The following STAG1 variants were observed in gnomAD, a reference collection of about 807,000 sequenced individuals.
STAG1 encodes the protein STAG1 cohesin complex component.
A neutral mutation model predicts 170.9 loss-of-function variants in STAG1; 26 were observed. The observed-to-expected ratio is 0.15, with a 90% CI of 0.11 to 0.21. STAG1 has a LOEUF of 0.21. Among genes scored for constraint, STAG1 ranks in the 10% least tolerant of loss-of-function variants. The pLI, the probability that STAG1 is intolerant of heterozygous loss-of-function variation, is 1.00. For missense variants in STAG1, 964 were observed against 1,509.5 expected (o/e 0.64, Z 5.99); for synonymous variants, 514 against 497.7 (o/e 1.03, Z -0.44).
chr3:136,633,580 AT>A (rs761581154), intron 1 of STAG1, among the ~76,000 whole-genome samples: 98 of 151,746 alleles, frequency 6.5e-4, no homozygotes, highest in Non-Finnish European at 1.3e-3. Context: ...GGTGCCTGCA[AT>A]CCCAGCTGCT....
At chr3:136,675,508 CCTAA>C (rs1221975289) in intron 1 of STAG1, among the ~76,000 whole-genome samples, 1 of 152,112 alleles carries the variant, frequency 6.6e-6, no homozygotes, top group Non-Finnish European at 1.5e-5. Flanking sequence ...CAAATTCAAC[CCTAA>C]CTGATAGAAC....
chr3:136,413,328 G>A (rs1029096768), intron 21 of STAG1, among the ~76,000 whole-genome samples: 18 of 147,316 alleles, frequency 1.2e-4, no homozygotes, highest in African/African-American at 3.0e-4. Context: ...GTCTAAGTGC[G>A]GAAATCTGGG....
At chr3:136,452,245 C>G (rs920221210) in intron 13 of STAG1, 98 bp from the exon 14 acceptor site, 1 of 760,400 alleles carries the variant, frequency 1.3e-6, no homozygotes. Flanking sequence ...ACAACAACAA[C>G]AAAAAGGGGG....
At chr3:136,524,517 A>G (rs534275050) in intron 6 of STAG1, among the ~76,000 whole-genome samples, 42 of 152,224 alleles carry the variant, frequency 2.8e-4, no homozygotes, top group East Asian at 5.8e-4. Context: ...GGGTTTTCTA[A>G]ATATACAATC....
In STAG1 at chr3:136,377,752, C is replaced by T. The variant is rs747058132; in HGVS notation, c.2278G>A (p.Glu760Lys). 1.9e-6 allele frequency: 3 copies of T among 1,613,388 alleles called. No homozygotes were observed. The highest frequency in any genetic ancestry group is 4.5e-5 in the East Asian group (2 of 44,858). Residue 760 changes from glutamate (E) to lysine (K), a missense_variant and splice_region_variant, in exon 23 of 34, where the codon GAG (glutamate) becomes AAG (lysine). Around this residue, in one of 11 missense-constraint regions of STAG1, gnomAD observed 232 missense variants for 313.0 expected, o/e 0.74. Transcript: ENST00000383202. ...VKITDGSPSK[E>K]DLLVLRKTVK... The stretch of plus-strand genomic sequence containing the variant: ...GTTTTCCTCAATACCAACAAATCCT[C>T]CTGTAAGACACATTCAAATTTGCAA...
At chr3:136,359,623 G>C (rs745689162) in intron 26 of STAG1, among the ~76,000 whole-genome samples, 2 of 152,112 alleles carry the variant, frequency 1.3e-5, no homozygotes, top group Non-Finnish European at 2.9e-5. Flanking sequence ...TCCACCTCCC[G>C]GGTTAAAGGA....
At chr3:136,381,773 A>G (rs1201452412) in intron 22 of STAG1, among the ~76,000 whole-genome samples, 6 of 152,250 alleles carry the variant, frequency 3.9e-5, no homozygotes, top group Admixed American at 3.9e-4. Flanking sequence ...TTAACTAGCT[A>G]TATGATCTCA....
chr3:136,527,351 A>C (rs1023211203), intron 6 of STAG1, among the ~76,000 whole-genome samples: 1 of 152,026 alleles, frequency 6.6e-6, no homozygotes, highest in East Asian at 1.9e-4. Context: ...TTTGATCTTC[A>C]ATCACCGATA....
chr3:136,712,141 C>T (rs1418355019), intron 1 of STAG1, among the ~76,000 whole-genome samples: 1 of 152,198 alleles, frequency 6.6e-6, no homozygotes, highest in Non-Finnish European at 1.5e-5. Flanking sequence ...CCTCAGCCTC[C>T]TGAGTAACTG....
chr3:136,503,724 T>C (rs575955483), intron 7 of STAG1, among the ~76,000 whole-genome samples: 1 of 152,304 alleles, frequency 6.6e-6, no homozygotes, highest in East Asian at 1.9e-4. Context: ...GCACTGTTTC[T>C]AAAATTTCAT....
At chr3:136,478,642 G>A (rs570135704) in intron 9 of STAG1, among the ~76,000 whole-genome samples, 3 of 152,092 alleles carry the variant, frequency 2.0e-5, no homozygotes, top group East Asian at 3.9e-4. Flanking sequence ...GTTTCTCTTT[G>A]GTGACAAAAT....
At position 136,338,583 on chromosome 3, in the gene STAG1, G is replaced by T; in HGVS notation, c.3673-133C>A. On this transcript the variant is annotated intron_variant, in intron 32 of 33. Transcript: ENST00000383202. ...AGAGTCAATTTTGAAAGGAAGAAGA[G>T]AATCTGGCTTTTATATGAAATAGAT... The T allele has an allele frequency of 4.6e-6, 3 of 652,636 alleles. No individual in the cohort carries two copies. In the East Asian group the frequency reaches 8.3e-5, roughly 18 times the overall value. 40.4% of individuals were successfully genotyped at this position (652,636 alleles called of 1,614,324 possible).
At chr3:136,568,160 A>G (rs1464316541) in intron 5 of STAG1, among the ~76,000 whole-genome samples, 2 of 152,156 alleles carry the variant, frequency 1.3e-5, no homozygotes, top group African/African-American at 2.4e-5. Context: ...TGTATTCACA[A>G]GCAGAGAATG....
chr3:136,407,359 G>A (rs887886018), intron 21 of STAG1, among the ~76,000 whole-genome samples: 1 of 152,180 alleles, frequency 6.6e-6, no homozygotes, highest in Non-Finnish European at 1.5e-5. Context: ...TCAGCATACA[G>A]ATCTTGCACA....
chr3:136,639,512 T>C (rs1940711895), intron 1 of STAG1, among the ~76,000 whole-genome samples: 1 of 152,210 alleles, frequency 6.6e-6, no homozygotes, highest in Middle Eastern at 3.2e-3. Context: ...AATAGCTTCA[T>C]TAGGAAAAGC....
chr3:136,375,276 A>G (rs1937532206), intron 23 of STAG1, among the ~76,000 whole-genome samples: 2 of 152,224 alleles, frequency 1.3e-5, no homozygotes, highest in Admixed American at 1.3e-4. Flanking sequence ...TACACATTAT[A>G]GGTATGCTGC....
chr3:136,507,748 G>T (rs982193941), intron 7 of STAG1, among the ~76,000 whole-genome samples: 1 of 151,916 alleles, frequency 6.6e-6, no homozygotes, highest in African/African-American at 2.4e-5. Context: ...CTATGAAATT[G>T]GTTTTCACTT....
chr3:136,448,936 A>G (rs1181997857), intron 14 of STAG1, among the ~76,000 whole-genome samples: 1 of 151,590 alleles, frequency 6.6e-6, no homozygotes, highest in East Asian at 1.9e-4. Context: ...AAAAAAAAAG[A>G]CTCTTTCTAC....
chr3:136,683,966 T>C (rs1942428373), intron 1 of STAG1, among the ~76,000 whole-genome samples: 1 of 152,136 alleles, frequency 6.6e-6, no homozygotes, highest in Non-Finnish European at 1.5e-5. Context: ...AAGGTATAAA[T>C]CTAGCAAAAC....
Sources: allele counts gnomAD v4.1 joint callset (sites outside exome capture counted in the v4.1 genomes callset), GRCh38; gene constraint gnomAD v4.1.1; regional missense constraint gnomAD v4.1.1; transcripts MANE v1.5; gene names NCBI Gene and HGNC (gene_info 2026-07-23, HGNC 2026-07-21).